The following MMP25 variants were observed in gnomAD, a reference collection of about 807,000 sequenced individuals.
The protein encoded by MMP25 is matrix metalloproteinase-25.
In MMP25, 68 loss-of-function variants were observed where a neutral mutation model predicts 62.1. That is an observed-to-expected ratio of 1.10 (90% CI 0.90 to 1.34). The LOEUF is 1.34. MMP25 is among the 40% of genes most tolerant of loss of function. The probability of loss-of-function intolerance (pLI) is 0.00; values close to 1 mark genes in which losing one functional copy is unlikely to be tolerated. For missense variants in MMP25, 942 were observed against 792.5 expected (o/e 1.19, Z -2.26); for synonymous variants, 407 against 345.6 (o/e 1.18, Z -1.97).
At position 3,046,991 on chromosome 16, in the gene MMP25, C is replaced by A; in HGVS notation, c.74C>A (p.Ser25Ter). ...CCGCCCGCGCGCGCCCCGAAGCCCT[C>A]GGCGCAGGACGTGAGCCTGGGCGTG... ...LAPPARAPKP[S>*]AQDVSLGVDW... Residue 25 changes from serine (S) to a stop codon, truncating the protein, a stop_gained, in exon 1 of 10, where the codon TCG (serine) becomes TAG (stop). Coordinates refer to ENST00000336577, the MANE Select transcript of MMP25 (RefSeq NM_022468.5). LOFTEE classifies it high-confidence loss of function. 6.8e-7 allele frequency: 1 copy of A among 1,469,310 alleles called. No homozygotes were observed. The highest frequency in any genetic ancestry group is 1.3e-5 in the South Asian group (1 of 77,064). The allele number at this position is 1,469,310 out of a possible 1,614,324, so 91.0% of individuals were successfully genotyped here. A position where few individuals can be genotyped will look rare whatever the true frequency, so the allele number is the denominator to read the frequency against.
rs1956067974 is a variant in MMP25, at chr16:3,058,948, T to C, written c.1539T>C (p.Ser513=). The C allele has an allele frequency of 6.5e-7, 1 of 1,547,312 alleles. No individual in the cohort carries two copies. The highest frequency in any genetic ancestry group is 2.4e-5 in the East Asian group (1 of 41,030). The change falls in exon 10 of 10, where the codon TCT becomes TCC. Residue 513 remains serine (S), a synonymous_variant. Coordinates refer to ENST00000336577, the MANE Select transcript of MMP25 (RefSeq NM_022468.5). ...GGCTGGACTGCCCCGCCCCGAGCTC[T>C]GGTCCCCGCGCCCCCAGGCCCCCCA... The part of the protein sequence containing the change: ...PNWLDCPAPS[S]GPRAPRPPKA...
chr16:3,055,639 T>C (rs556955164), intron 4 of MMP25: 19 of 346,182 alleles, frequency 5.5e-5, no homozygotes, highest in South Asian at 4.1e-4. Context: ...TCACGTTTCA[T>C]GCTTAGACGC....
chr16:3,047,165 G>A, intron 1 of MMP25, 149 bp downstream of exon 1: 1 of 1,099,306 alleles, frequency 9.1e-7, no homozygotes. Flanking sequence ...CGGCTTCTTG[G>A]GTCTGTCGGG....
At position 3,058,228 on chromosome 16, in the gene MMP25, C is replaced by T. The variant is rs59807543; in HGVS notation, c.1054C>T (p.Arg352Ter). Residue 352 changes from arginine to a stop codon, truncating the protein, a stop_gained, in exon 8 of 10, where the codon CGA (arginine) becomes TGA (stop). Coordinates refer to ENST00000336577, the MANE Select transcript of MMP25 (RefSeq NM_022468.5). LOFTEE classifies it high-confidence loss of function. ...LQPSGQLVSP[R>*]PARLHRFWEG... ...GCCCTCCGGACAGCTGGTGTCCCCG[C>T]GACCCGCACGGCTGCACCGCTTCTG... The T allele has an allele frequency of 1.9e-6, 3 of 1,612,454 alleles. No individual in the cohort carries two copies. In the African/African-American group the frequency reaches 4.0e-5, roughly 22 times the overall value.
chr16:3,050,766 C>T (rs1445529729), intron 4 of MMP25, among the ~76,000 whole-genome samples: 1 of 152,170 alleles, frequency 6.6e-6, no homozygotes, highest in African/African-American at 2.4e-5. Context: ...GTGCACACCA[C>T]CATACCTGGC....
chr16:3,046,882 T>C lies in MMP25; in HGVS notation c.-36T>C, dbSNP rs1232792367. On this transcript the variant is annotated 5_prime_UTR_variant, in exon 1 of 10. Coordinates refer to ENST00000336577, the MANE Select transcript of MMP25 (RefSeq NM_022468.5). ...CCGGGGCGGCCCCAGCCAGGCCCCC[T>C]TCGAACCCCGCCGGCGGCCCGGGCT... The C allele has an allele frequency of 4.3e-6, 5 of 1,164,276 alleles. No individual in the cohort carries two copies. Among genetic ancestry groups the C allele is most frequent in the Non-Finnish European group, 4.5e-6 (4 of 896,080 alleles). The allele number at this position is 1,164,276 out of a possible 1,614,324, so 72.1% of individuals were successfully genotyped here. A position where few individuals can be genotyped will look rare whatever the true frequency, so the allele number is the denominator to read the frequency against.
rs930735629 is a variant in MMP25 at position 3,059,108 on chromosome 16, C to G, written c.*10C>G. 2 of 1,528,358 alleles carry G rather than the reference C, an allele frequency of 1.3e-6. No homozygotes were observed. The highest frequency in any genetic ancestry group is 3.4e-4 in the Middle Eastern group (2 of 5,874). The allele number at this position is 1,528,358 out of a possible 1,614,324, so 94.7% of individuals were successfully genotyped here. On this transcript the variant is annotated 3_prime_UTR_variant, in exon 10 of 10. Coordinates refer to ENST00000336577, the MANE Select transcript of MMP25 (RefSeq NM_022468.5). ...TGTAGCCTCCCGCTGATGGGGGGAG[C>G]CATCCAGACCGAACAGCGCCCTCCA...
At chr16:3,055,031 T>C (rs1955982016) in intron 4 of MMP25, 1 of 153,380 alleles carries the variant, frequency 6.5e-6, no homozygotes, top group South Asian at 1.9e-4. Context: ...CGATGTCCTG[T>C]CCTGATGAAA....
rs568491292 is a variant in MMP25, at chr16:3,050,297, G to C, written c.412G>C (p.Val138Leu). The change falls in exon 4 of 10, where the codon GTG becomes CTG. Residue 138 changes from valine to leucine, a missense_variant. Coordinates refer to ENST00000336577, the MANE Select transcript of MMP25 (RefSeq NM_022468.5). ...GAGCTCCCAGCTGAGCCAGGAGACC[G>C]TGCGGGTCCTCATGAGCTATGCCCT... is the stretch of plus-strand genomic sequence containing the variant. The part of the protein sequence containing the change: ...PQSSQLSQET[V>L]RVLMSYALMA... 251 of 1,611,902 alleles carry C rather than the reference G, an allele frequency of 1.6e-4. 5 individuals are homozygous for C. In the South Asian group the frequency reaches 2.2e-3, roughly 14 times the overall value.
chr16:3,050,294 ACCGTGCGGGTCCTCATGAGCTATGC>A lies in MMP25; in HGVS notation c.412_436del (p.Val138Ter), dbSNP rs1299617886. 6.2e-7 allele frequency: 1 copy of A among 1,608,692 alleles called. No homozygotes were observed. The highest frequency in any genetic ancestry group is 1.7e-5 in the Admixed American group (1 of 59,680). ...CCAGAGCTCCCAGCTGAGCCAGGAGACCGTGCGGGTCCTCATGAGCTATGCCCTGATGGCCTGGGGCATGGAGTCA... is the reference window on the plus strand; with the variant it reads ...CCAGAGCTCCCAGCTGAGCCAGGAGACCTGATGGCCTGGGGCATGGAGTCA... On this transcript the variant is annotated frameshift_variant, in exon 4 of 10. Coordinates refer to ENST00000336577, the MANE Select transcript of MMP25 (RefSeq NM_022468.5). LOFTEE classifies it high-confidence loss of function.
In MMP25 at chr16:3,059,167, G is replaced by T. The variant is rs995803905; in HGVS notation, c.*69G>T. The T allele has an allele frequency of 1.4e-6, 2 of 1,452,586 alleles. No individual in the cohort carries two copies. Among genetic ancestry groups the T allele is most frequent in the Non-Finnish European group, 1.8e-6 (2 of 1,095,976 alleles). The allele number at this position is 1,452,586 out of a possible 1,614,324, so 90.0% of individuals were successfully genotyped here. A position where few individuals can be genotyped will look rare whatever the true frequency, so the allele number is the denominator to read the frequency against. On this transcript the variant is annotated 3_prime_UTR_variant, in exon 10 of 10. Coordinates refer to ENST00000336577, the MANE Select transcript of MMP25 (RefSeq NM_022468.5). ...TCCCCCGCCGCTGGACCTGGTCGGG[G>T]GTTGTGAGGCGCTGCGGAGGCCCCT...
At chr16:3,049,610 C>A (rs923651450) in intron 2 of MMP25, among the ~76,000 whole-genome samples, 2 of 152,182 alleles carry the variant, frequency 1.3e-5, no homozygotes, top group African/African-American at 4.8e-5. Flanking sequence ...TTGAGGAGAA[C>A]TTGGCAGTGA....
rs767859853 is a variant in MMP25, at chr16:3,050,588, G to C, written c.661+42G>C. On this transcript the variant is annotated intron_variant, in intron 4 of 9. Transcript: ENST00000336577. The stretch of plus-strand genomic sequence containing the variant: ...TATGAGAGATCCTCTTGCCAGGTCT[G>C]GTCTTAAGAATAAGTTTTCTGTTGT... The C allele has an allele frequency of 8.7e-6, 13 of 1,486,738 alleles. No homozygotes were observed. In the South Asian group the frequency reaches 1.6e-4, roughly 19 times the overall value. The allele number at this position is 1,486,738 out of a possible 1,614,324, so 92.1% of individuals were successfully genotyped here.
chr16:3,047,367 C>T (rs746057280), intron 1 of MMP25, 48 bp from the exon 2 acceptor site: 10 of 1,580,910 alleles, frequency 6.3e-6, no homozygotes, highest in Non-Finnish European at 8.6e-6. Flanking sequence ...CAGAGAGAGC[C>T]CATACTTTTC....
chr16:3,057,222 G>T lies in MMP25; in HGVS notation c.838+13G>T, dbSNP rs1232488577. Reference sequence around the variant, plus strand: ...CAGCAACTCTATGGTAGGGGGAGAGGGACCTGCCGCGAAACCATCATTGCC... The same window carrying T: ...CAGCAACTCTATGGTAGGGGGAGAGTGACCTGCCGCGAAACCATCATTGCC... On this transcript the variant is annotated intron_variant, in intron 5 of 9. Transcript: ENST00000336577. The T allele has an allele frequency of 6.2e-7, 1 of 1,613,372 alleles. No individual in the cohort carries two copies. The highest frequency in any genetic ancestry group is 1.7e-5 in the Admixed American group (1 of 59,880).
At chr16:3,048,195 C>G (rs564371905) in intron 2 of MMP25, among the ~76,000 whole-genome samples, 2 of 149,482 alleles carry the variant, frequency 1.3e-5, no homozygotes, top group African/African-American at 2.4e-5. Flanking sequence ...GTGGTCCCAG[C>G]TACTCAGAAC....
rs1357882969 is a variant in MMP25 at position 3,058,981 on chromosome 16, C to T, written c.1572C>T (p.Thr524=). ...GCGCCCCCAGGCCCCCCAAAGCGAC[C>T]CCCGTGTCCGAAACCTGCGATTGTC... ...GPRAPRPPKA[T]PVSETCDCQC... The change falls in exon 10 of 10, where the codon ACC becomes ACT. Residue 524 remains threonine (T), a synonymous_variant. Transcript: ENST00000336577. 6.4e-7 allele frequency: 1 copy of T among 1,555,112 alleles called. No homozygotes were observed. Among genetic ancestry groups the T allele is most frequent in the Non-Finnish European group, 8.7e-7 (1 of 1,149,468 alleles).
In MMP25 at chr16:3,058,482, G is replaced by A. The variant is rs769534338; in HGVS notation, c.1230G>A (p.Leu410=). 1 of 1,606,630 alleles carries A rather than the reference G, an allele frequency of 6.2e-7. No individual in the cohort carries two copies. The highest frequency in any genetic ancestry group is 1.7e-5 in the Admixed American group (1 of 59,386). The change falls in exon 9 of 10, where the codon CTG becomes CTA. Residue 410 remains leucine (L), a synonymous_variant. Coordinates refer to ENST00000336577, the MANE Select transcript of MMP25 (RefSeq NM_022468.5). ...CGCGGCCGCTCACGGAGCTGGGGCT[G>A]CCCCCGGGAGAGGAGGTGGACGCCG... is the stretch of plus-strand genomic sequence containing the variant. The part of the protein sequence containing the change: ...GGARPLTELG[L]PPGEEVDAVF...
Position 3,046,913 on chromosome 16 carries a change from G to A in MMP25, c.-5G>A, listed in dbSNP as rs1005992651. Reference sequence around the variant, plus strand: ...CCCCGCCGGCGGCCCGGGCTGGGGCGCACCATGCGGCTGCGGCTCCGGCTT... The same window carrying A: ...CCCCGCCGGCGGCCCGGGCTGGGGCACACCATGCGGCTGCGGCTCCGGCTT... On this transcript the variant is annotated 5_prime_UTR_variant, in exon 1 of 10. Transcript: ENST00000336577. 1.4e-6 allele frequency: 2 copies of A among 1,438,074 alleles called. No homozygotes were observed. The highest frequency in any genetic ancestry group is 1.8e-6 in the Non-Finnish European group (2 of 1,101,338). The allele number at this position is 1,438,074 out of a possible 1,614,324, so 89.1% of individuals were successfully genotyped here.
Sources: gnomAD v4.1 joint callset for allele counts (sites outside exome capture counted in the v4.1 genomes callset) on GRCh38, gnomAD v4.1.1 for gene constraint, MANE v1.5 for transcripts, NCBI Gene and HGNC (gene_info 2026-07-23, HGNC 2026-07-21) for gene names.